ST8SIA2: variants seen among roughly 807,000 people sequenced by gnomAD.
The protein encoded by ST8SIA2 is alpha-2,8-sialyltransferase 8B.
ST8SIA2 carries 22 observed loss-of-function variants against 37.6 expected under a neutral mutation model. The observed-to-expected ratio is 0.58, with a 90% CI of 0.42 to 0.83. The LOEUF is 0.83. Among genes scored for constraint, ST8SIA2 ranks in the 40% least tolerant of loss-of-function variants. ST8SIA2 has a pLI of 0.00. For synonymous variants in ST8SIA2, 205 were observed against 201.2 expected, an observed-to-expected ratio of 1.02 and a Z score of -0.16; for missense variants, 382 against 484.7, an observed-to-expected ratio of 0.79 and a Z score of 1.99.
In ST8SIA2 at chr15:92,468,384, T is replaced by C. The variant is rs531443957; in HGVS notation, c.*3999T>C. On this transcript the variant is annotated 3_prime_UTR_variant, in exon 6 of 6. Transcript: ENST00000268164. ...GGGTGCCTGCGTTTTACTGTCTCTG[T>C]GCCTTTGGTCTTGCTATCCCCATCC... 1 of 152,920 alleles carries C rather than the reference T, an allele frequency of 6.5e-6. No homozygotes were observed. Among genetic ancestry groups the C allele is most frequent in the Admixed American group, 6.5e-5 (1 of 15,308 alleles). 9.5% of individuals were successfully genotyped at this position (152,920 alleles called of 1,614,324 possible).
chr15:92,464,670 A>C lies in ST8SIA2; in HGVS notation c.*285A>C, dbSNP rs998619991. On this transcript the variant is annotated 3_prime_UTR_variant, in exon 6 of 6. Coordinates refer to ENST00000268164, the MANE Select transcript of ST8SIA2 (RefSeq NM_006011.4). Reference sequence around the variant, plus strand: ...AGACTCAATCCATCTTTGGGGGTGGAAGGACTTGACATGAAAAGAAGCCAG... The same window carrying C: ...AGACTCAATCCATCTTTGGGGGTGGCAGGACTTGACATGAAAAGAAGCCAG... 7 of 454,190 alleles carry C rather than the reference A, an allele frequency of 1.5e-5. No homozygotes were observed. The highest frequency in any genetic ancestry group is 2.0e-5 in the Non-Finnish European group (5 of 251,444). 28.1% of individuals were successfully genotyped at this position (454,190 alleles called of 1,614,324 possible).
At chr15:92,402,742 C>G (rs554378991) in intron 1 of ST8SIA2, among the ~76,000 whole-genome samples, 3 of 152,276 alleles carry the variant, frequency 2.0e-5, no homozygotes, top group Admixed American at 2.0e-4. Flanking sequence ...GGGCACACCG[C>G]TCTGCCTCTG....
intron 1 of ST8SIA2, among the ~76,000 whole-genome samples, chr15:92,402,668 C>T (rs779099236): frequency 6.6e-6 from 1 of 152,100 alleles, no homozygotes; most frequent in Non-Finnish European, 1.5e-5. Context: ...GACATGGCAG[C>T]CAAAAGATCA....
chr15:92,408,549 C>A (rs2049525001), intron 1 of ST8SIA2, among the ~76,000 whole-genome samples: 1 of 151,968 alleles, frequency 6.6e-6, no homozygotes, highest in South Asian at 2.1e-4. Context: ...CTGAGATAGG[C>A]CCCAGTTACT....
In ST8SIA2 at chr15:92,434,073, A is replaced by G. The variant is rs553817851; in HGVS notation, c.162-174A>G. 8.5e-5 allele frequency among the ~76,000 whole-genome samples: 13 copies of G among 152,274 alleles called. No individual in the cohort carries two copies. The South Asian group carries it at 2.7e-3, about 32-fold the overall frequency. On this transcript the variant is annotated intron_variant, in intron 2 of 5. Transcript: ENST00000268164. ...TATGTAGGTTATACCTTAGGGACAGAGTTTCTGCATTACTGGAAGATAAAT... is the reference window on the plus strand; with the variant it reads ...TATGTAGGTTATACCTTAGGGACAGGGTTTCTGCATTACTGGAAGATAAAT...
rs1313499627 is a variant in ST8SIA2, at chr15:92,464,381, C to T, written c.1124C>T (p.Thr375Met). The T allele has an allele frequency of 2.5e-6, 4 of 1,613,272 alleles. No homozygotes were observed. The highest frequency in any genetic ancestry group is 1.3e-5 in the African/African-American group (1 of 74,878). The change falls in exon 6 of 6, where the codon ACG becomes ATG. Residue 375 changes from threonine to methionine, a missense_variant. By Grantham distance (81) the Thr-to-Met change is moderately conservative. Coordinates refer to ENST00000268164, the MANE Select transcript of ST8SIA2 (RefSeq NM_006011.4). ...ACTGTCGGCCAGTGCGATGGGGCCA[C>T]GTAGGGTGGGCACCCCATGGGACTC... ...KLTVGQCDGA[T>M]
intron 1 of ST8SIA2, among the ~76,000 whole-genome samples, chr15:92,398,241 G>A (rs1456229504): frequency 1.3e-5 from 2 of 152,206 alleles, no homozygotes; most frequent in Non-Finnish European, 2.9e-5. Context: ...TTATCAGCTA[G>A]GGTGAATTTG....
chr15:92,440,978 G>C (rs1317218410), intron 4 of ST8SIA2, among the ~76,000 whole-genome samples: 1 of 152,202 alleles, frequency 6.6e-6, no homozygotes, highest in Non-Finnish European at 1.5e-5. Flanking sequence ...GAGCAGAGTG[G>C]CTGTGTCCAT....
chr15:92,424,925 C>G (rs1203515132), intron 1 of ST8SIA2, among the ~76,000 whole-genome samples: 1 of 152,156 alleles, frequency 6.6e-6, no homozygotes, highest in African/African-American at 2.4e-5. Context: ...CAACCTCTAC[C>G]CTTACAATGG....
At chr15:92,432,291 CTG>C (rs1356486164) in intron 2 of ST8SIA2, among the ~76,000 whole-genome samples, 2 of 152,210 alleles carry the variant, frequency 1.3e-5, no homozygotes, top group African/African-American at 4.8e-5. Flanking sequence ...GCCGCTAATT[CTG>C]TGTCGCTGAG....
intron 1 of ST8SIA2, among the ~76,000 whole-genome samples, chr15:92,427,077 C>T (rs547354719): frequency 6.6e-6 from 1 of 152,246 alleles, no homozygotes; most frequent in Non-Finnish European, 1.5e-5. Flanking sequence ...GCCTGGGTGA[C>T]AGAGCGAGAC....
In ST8SIA2 at chr15:92,438,545, C is replaced by T. The variant is rs748475405; in HGVS notation, c.483C>T (p.Gly161=). Reference sequence around the variant, plus strand: ...ACTTTGGGACTTGTGCCATCGTGGGCAACTCGGGGGTCTTGCTGAACAGCG... The same window carrying T: ...ACTTTGGGACTTGTGCCATCGTGGGTAACTCGGGGGTCTTGCTGAACAGCG... ...NKHFGTCAIV[G]NSGVLLNSGC... The change falls in exon 4 of 6, where the codon GGC becomes GGT. Residue 161 remains glycine (G), a synonymous_variant. Coordinates refer to ENST00000268164, the MANE Select transcript of ST8SIA2 (RefSeq NM_006011.4). The T allele has an allele frequency of 1.2e-6, 2 of 1,614,116 alleles. No homozygotes were observed. The highest frequency in any genetic ancestry group is 1.7e-6 in the Non-Finnish European group (2 of 1,179,998).
intron 3 of ST8SIA2, 104 bp downstream of exon 3, chr15:92,434,479 G>C (rs2049740799): frequency 3.3e-6 from 5 of 1,535,222 alleles, no homozygotes; most frequent in Non-Finnish European, 4.5e-6. Flanking sequence ...GAAATAAAAT[G>C]TTTACCTCCC....
At chr15:92,398,245 G>A (rs574345682) in intron 1 of ST8SIA2, among the ~76,000 whole-genome samples, 1 of 152,324 alleles carries the variant, frequency 6.6e-6, no homozygotes, top group East Asian at 1.9e-4. Context: ...CAGCTAGGGT[G>A]AATTTGACAC....
chr15:92,465,832 C>T lies in ST8SIA2; in HGVS notation c.*1447C>T, dbSNP rs2049988295. Reference sequence around the variant, plus strand: ...ACATAATCTCCCAGGGAAATCTGGGCTCGAGGCCTACAACTTAGGGGCTGG... The same window carrying T: ...ACATAATCTCCCAGGGAAATCTGGGTTCGAGGCCTACAACTTAGGGGCTGG... On this transcript the variant is annotated 3_prime_UTR_variant, in exon 6 of 6. Transcript: ENST00000268164. The T allele has an allele frequency of 1.3e-5, 2 of 152,166 alleles. No individual in the cohort carries two copies. The highest frequency in any genetic ancestry group is 4.1e-4 in the South Asian group (2 of 4,832). The allele number at this position is 152,166 out of a possible 1,614,324, so 9.4% of individuals were successfully genotyped here. A position where few individuals can be genotyped will look rare whatever the true frequency, so the allele number is the denominator to read the frequency against.
At chr15:92,396,176 TG>T (rs1262095841) in intron 1 of ST8SIA2, among the ~76,000 whole-genome samples, 2 of 152,204 alleles carry the variant, frequency 1.3e-5, no homozygotes, top group African/African-American at 4.8e-5. Context: ...TTCCCTCTCT[TG>T]CCTCTCGTCC....
At chr15:92,404,695 G>T (rs1175005059) in intron 1 of ST8SIA2, among the ~76,000 whole-genome samples, 1 of 151,582 alleles carries the variant, frequency 6.6e-6, no homozygotes, top group Non-Finnish European at 1.5e-5. Flanking sequence ...AATTAGCTGG[G>T]TGTAGTGCTG....
In ST8SIA2 at chr15:92,429,961, A is replaced by G; in HGVS notation, c.99-88A>G. On this transcript the variant is annotated intron_variant, in intron 1 of 5. Coordinates refer to ENST00000268164, the MANE Select transcript of ST8SIA2 (RefSeq NM_006011.4). ...TCTCTTCCACCCTCTGTAGTTTTCC[A>G]GGTGGGCTATGGGATCTCCTGGCAA... The G allele has an allele frequency of 2.8e-6, 4 of 1,412,904 alleles. No homozygotes were observed. The South Asian group carries it at 4.7e-5, about 17-fold the overall frequency. 87.5% of individuals were successfully genotyped at this position (1,412,904 alleles called of 1,614,324 possible). A position where few individuals can be genotyped will look rare whatever the true frequency, so the allele number is the denominator to read the frequency against.
chr15:92,446,236 T>C (rs544114662), intron 5 of ST8SIA2, among the ~76,000 whole-genome samples: 1 of 152,122 alleles, frequency 6.6e-6, no homozygotes, highest in South Asian at 2.1e-4. Context: ...TATATTAGGG[T>C]TTCTCCAAAT....
Sources: allele counts gnomAD v4.1 joint callset (sites outside exome capture counted in the v4.1 genomes callset), GRCh38; gene constraint gnomAD v4.1.1; transcripts MANE v1.5; gene names NCBI Gene and HGNC (gene_info 2026-07-23, HGNC 2026-07-21).